The following ATG7 variants were observed in gnomAD, a reference collection of about 807,000 sequenced individuals.
ATG7 encodes ubiquitin-like modifier-activating enzyme ATG7.
A neutral mutation model predicts 82.4 loss-of-function variants in ATG7; 70 were observed. The observed-to-expected ratio is 0.85, with a 90% CI of 0.70 to 1.04. The LOEUF (loss-of-function observed/expected upper bound fraction) is 1.04, where lower values mean the gene tolerates loss of function less well. Among genes scored for constraint, ATG7 ranks in the 50% least tolerant of loss-of-function variants. The pLI is 0.00. For synonymous variants in ATG7, 287 were observed against 313.0 expected (o/e 0.92, Z 0.88); for missense variants, 792 against 864.3 (o/e 0.92, Z 1.05).
chr3:11,496,321 G>C (rs1395989459), intron 20 of ATG7, among the ~76,000 whole-genome samples: 1 of 152,202 alleles, frequency 6.6e-6, no homozygotes, highest in African/African-American at 2.4e-5. Flanking sequence ...TGACCTGTAA[G>C]GAGCAGTGGG....
At chr3:11,280,825 T>TGATAAATATTCATTCATGTG (rs1559315653) in intron 1 of ATG7, among the ~76,000 whole-genome samples, 169 bp from the exon 2 acceptor site, 2 of 152,230 alleles carry the variant, frequency 1.3e-5, no homozygotes, top group African/African-American at 4.8e-5. Flanking sequence ...TAGTAAATGT[T>TGATAAATATTCATTCATGTG]GATAAATATT....
chr3:11,297,984 C>T (rs1379097638), intron 3 of ATG7, among the ~76,000 whole-genome samples: 1 of 152,182 alleles, frequency 6.6e-6, no homozygotes, highest in Non-Finnish European at 1.5e-5. Flanking sequence ...TTAGAAAAAT[C>T]ACTGTGTCAT....
intron 20 of ATG7, among the ~76,000 whole-genome samples, chr3:11,551,319 G>C (rs1388331899): frequency 1.3e-5 from 2 of 152,222 alleles, no homozygotes; most frequent in Non-Finnish European, 2.9e-5. Flanking sequence ...ACATAGCCTA[G>C]AACCAGCTCG....
chr3:11,332,865 GCA>G, intron 10 of ATG7, 105 bp from the exon 11 acceptor site: 1 of 1,143,318 alleles, frequency 8.7e-7, no homozygotes. Context: ...TAATTAGAAT[GCA>G]TTGAATTCTC....
At chr3:11,565,271 C>T in the ATG7 span, among the ~76,000 whole-genome samples, 3 of 152,070 alleles carry the variant, frequency 2.0e-5, no homozygotes, top group Non-Finnish European at 4.4e-5. This position sits in a 1 kb window ranked among gnomAD's most constrained non-coding sequence, Gnocchi z 4.1. Context: ...GACTCAGTGG[C>T]GTCCTCTGCC....
intron 19 of ATG7, among the ~76,000 whole-genome samples, chr3:11,422,237 C>T (rs2081993111): frequency 6.6e-6 from 1 of 152,208 alleles, no homozygotes; most frequent in African/African-American, 2.4e-5. Context: ...TCCTAGGTGG[C>T]ATCTTCTTCC....
intron 14 of ATG7, among the ~76,000 whole-genome samples, chr3:11,356,649 T>G (rs933226075): frequency 1.3e-5 from 2 of 152,256 alleles, no homozygotes; most frequent in Non-Finnish European, 2.9e-5. Flanking sequence ...AAATATATAC[T>G]TAATAGTTAT....
chr3:11,539,423 A>C (rs1014890715), intron 20 of ATG7, among the ~76,000 whole-genome samples: 3 of 152,250 alleles, frequency 2.0e-5, no homozygotes, highest in African/African-American at 4.8e-5. Context: ...GAATCAGATC[A>C]GGGTAAGAGA....
At chr3:11,288,163 A>ACGTGGCAAATAATCATCCAC (rs1338331020) in intron 3 of ATG7, among the ~76,000 whole-genome samples, 3 of 152,246 alleles carry the variant, frequency 2.0e-5, no homozygotes, top group South Asian at 2.1e-4. Context: ...GTGCAGTATT[A>ACGTGGCAAATAATCATCCAC]CGTGGCAAAT....
intron 20 of ATG7, among the ~76,000 whole-genome samples, chr3:11,538,432 A>G (rs2070511622): frequency 7.3e-6 from 1 of 136,602 alleles, no homozygotes. Flanking sequence ...CAGCTCTGCC[A>G]TTTGCTAGCT....
chr3:11,477,304 A>G lies in ATG7; in HGVS notation c.2079+50378A>G, dbSNP rs866014592. 39 of 1,196,430 alleles carry G rather than the reference A, an allele frequency of 3.3e-5. No individual in the cohort carries two copies. In the African/African-American group the frequency reaches 4.5e-4, roughly 14 times the overall value. The allele number at this position is 1,196,430 out of a possible 1,614,324, so 74.1% of individuals were successfully genotyped here. ...AATGATGATAAAATAAAATGTAAAT[A>G]AGAATTTTTGTGCTACAAACTCCTG... On this transcript the variant is annotated intron_variant, in intron 20 of 20. Coordinates refer to ENST00000693202, the MANE Select transcript of ATG7 (RefSeq NM_001349232.2).
intron 20 of ATG7, among the ~76,000 whole-genome samples, chr3:11,463,418 C>T (rs564322250): frequency 3.3e-5 from 5 of 152,190 alleles, no homozygotes; most frequent in Non-Finnish European, 5.9e-5. Flanking sequence ...TCTTGTTGAA[C>T]CAATTGGTTC....
chr3:11,440,674 C>CATTTTTTTTT (rs769737485), intron 20 of ATG7, among the ~76,000 whole-genome samples: 1 of 39,484 alleles, frequency 2.5e-5, no homozygotes, highest in African/African-American at 1.1e-4. Context: ...TCCCCATTTG[C>CATTTTTTTTT]TTTTTTTTTT....
At chr3:11,568,711 T>C in the ATG7 span, 3 of 1,548,682 alleles carry the variant, frequency 1.9e-6, no homozygotes, top group Non-Finnish European at 1.7e-6. This position sits in a 1 kb window ranked among gnomAD's most constrained non-coding sequence, Gnocchi z 5.9. Context: ...CCAGGCGTCA[T>C]GTGCTCCCGG....
the ATG7 span, chr3:11,564,971 G>A: frequency 6.5e-7 from 1 of 1,542,260 alleles, no homozygotes; most frequent in Non-Finnish European, 8.7e-7. Flanking sequence ...TGGGGCTGCG[G>A]CTCCGCTCCC....
downstream of ATG7, chr3:11,559,437 T>C: frequency 6.4e-7 from 1 of 1,566,326 alleles, no homozygotes; most frequent in South Asian, 1.2e-5. Context: ...GAGGCACAGG[T>C]GATCACGGAG....
chr3:11,516,367 C>A (rs943930747), intron 20 of ATG7, among the ~76,000 whole-genome samples: 2 of 151,886 alleles, frequency 1.3e-5, no homozygotes, highest in African/African-American at 4.8e-5. Context: ...AAAGATGTTC[C>A]ACATCATATG....
intron 11 of ATG7, among the ~76,000 whole-genome samples, chr3:11,338,296 T>C (rs1178837210): frequency 6.6e-6 from 1 of 152,206 alleles, no homozygotes; most frequent in Non-Finnish European, 1.5e-5. Context: ...CTCGTTCTTT[T>C]TTTATGGCTG....
chr3:11,573,316 GAAGAAAGA>G, the ATG7 span, among the ~76,000 whole-genome samples: 613 of 20,626 alleles, frequency 0.03, 11 homozygotes, highest in Non-Finnish European at 0.03. Flanking sequence ...AGGAAGGAAG[GAAGAAAGA>G]AAGAAAGAAA....
Sources: gnomAD v4.1 joint callset for allele counts (sites outside exome capture counted in the v4.1 genomes callset) on GRCh38, gnomAD v4.1.1 for gene constraint, Gnocchi (gnomAD v3.1) non-coding constraint, MANE v1.5 for transcripts, NCBI Gene and HGNC (gene_info 2026-07-23, HGNC 2026-07-21) for gene names.